FBXO15: variants seen among roughly 807,000 people sequenced by gnomAD.
FBXO15 encodes F-box only protein 15.
Under a neutral mutation model 49.5 loss-of-function variants are expected in FBXO15, and 30 were observed. That is an observed-to-expected ratio of 0.61 (90% CI 0.45 to 0.82). The LOEUF (loss-of-function observed/expected upper bound fraction) is 0.82, where lower values mean the gene tolerates loss of function less well. FBXO15 is among the 40% of genes least tolerant of loss of function. FBXO15 has a pLI of 0.00. For missense variants in FBXO15, 591 were observed against 631.5 expected (o/e 0.94, Z 0.69); for synonymous variants, 250 against 232.7 (o/e 1.07, Z -0.68).
chr18:74,087,007 C>G (rs1912770337), intron 8 of FBXO15, among the ~76,000 whole-genome samples: 1 of 152,128 alleles, frequency 6.6e-6, no homozygotes, highest in Non-Finnish European at 1.5e-5. Flanking sequence ...TTCTGGTTTC[C>G]CAATGCATAT....
intron 8 of FBXO15, among the ~76,000 whole-genome samples, chr18:74,117,706 A>G (rs1054933267): frequency 6.6e-6 from 1 of 152,210 alleles, no homozygotes; most frequent in Non-Finnish European, 1.5e-5. Context: ...GTGAAAAGGA[A>G]GTGAAATAAC....
At chr18:74,093,284 C>T (rs1298259893) in intron 8 of FBXO15, among the ~76,000 whole-genome samples, 1 of 149,030 alleles carries the variant, frequency 6.7e-6, no homozygotes, top group Non-Finnish European at 1.5e-5. Context: ...TGGCTGCAGA[C>T]AAGTACATGC....
intron 8 of FBXO15, among the ~76,000 whole-genome samples, chr18:74,119,114 G>A (rs1242986598): frequency 3.9e-5 from 6 of 152,118 alleles, no homozygotes; most frequent in East Asian, 3.9e-4. Flanking sequence ...CCTCGCTGTC[G>A]CCTTGCTTTG....
intron 3 of FBXO15, among the ~76,000 whole-genome samples, chr18:74,132,460 T>A: frequency 6.6e-6 from 1 of 152,170 alleles, no homozygotes; most frequent in East Asian, 1.9e-4. Context: ...CAGCATAAAC[T>A]CCACATGCAG....
At chr18:74,094,780 G>A (rs1324336350) in intron 8 of FBXO15, among the ~76,000 whole-genome samples, 8 of 152,188 alleles carry the variant, frequency 5.3e-5, no homozygotes, top group Non-Finnish European at 8.8e-5. Flanking sequence ...GAACAAGAAA[G>A]TCAACCTGTC....
chr18:74,124,808 C>A (rs1914636293), intron 6 of FBXO15, among the ~76,000 whole-genome samples: 1 of 152,126 alleles, frequency 6.6e-6, no homozygotes, highest in African/African-American at 2.4e-5. Context: ...GCACACAGGA[C>A]CAAAAGAACT....
At chr18:74,100,323 T>C (rs919672591) in intron 8 of FBXO15, among the ~76,000 whole-genome samples, 2 of 152,044 alleles carry the variant, frequency 1.3e-5, no homozygotes, top group Non-Finnish European at 2.9e-5. Flanking sequence ...GAGCACTGGG[T>C]CAACAATAAG....
intron 8 of FBXO15, chr18:74,097,784 C>G (rs966626402): frequency 6.6e-6 from 1 of 152,352 alleles, no homozygotes; most frequent in African/African-American, 2.4e-5. Context: ...AAAGCACAAC[C>G]TCCTGGCAGG....
intron 3 of FBXO15, 72 bp from the exon 4 acceptor site, chr18:74,130,730 G>A: frequency 1.4e-6 from 2 of 1,452,322 alleles, no homozygotes; most frequent in Non-Finnish European, 1.9e-6. Context: ...TATCAAATTA[G>A]AGATGCATAT....
chr18:74,132,783 T>C (rs1317037596), intron 3 of FBXO15, among the ~76,000 whole-genome samples: 1 of 152,190 alleles, frequency 6.6e-6, no homozygotes, highest in Non-Finnish European at 1.5e-5. Flanking sequence ...ATGGGGCCAA[T>C]TTAATGTTCA....
intron 8 of FBXO15, among the ~76,000 whole-genome samples, chr18:74,114,202 C>CG (rs893331675): frequency 3.9e-5 from 6 of 152,150 alleles, no homozygotes; most frequent in Non-Finnish European, 8.8e-5. Flanking sequence ...AGTAAAAACC[C>CG]GGGGTGCTGA....
At chr18:74,122,195 A>G (rs145645021) in intron 8 of FBXO15, among the ~76,000 whole-genome samples, 10 of 152,330 alleles carry the variant, frequency 6.6e-5, no homozygotes, top group Middle Eastern at 3.4e-3. Context: ...CTTTTCTAAT[A>G]AAATTACTGC....
chr18:74,109,486 C>A (rs1280930566), intron 8 of FBXO15, among the ~76,000 whole-genome samples: 1 of 152,176 alleles, frequency 6.6e-6, no homozygotes, highest in Non-Finnish European at 1.5e-5. Context: ...TGGGTATATA[C>A]CCAAAGGATT....
intron 8 of FBXO15, among the ~76,000 whole-genome samples, chr18:74,093,332 A>G (rs1468377712): frequency 6.6e-6 from 1 of 151,892 alleles, no homozygotes; most frequent in African/African-American, 2.4e-5. Context: ...ATGAGGAATG[A>G]ATGCATGTGG....
intron 9 of FBXO15, among the ~76,000 whole-genome samples, chr18:74,079,016 C>T (rs948483971): frequency 6.6e-6 from 1 of 152,250 alleles, no homozygotes; most frequent in Non-Finnish European, 1.5e-5. Flanking sequence ...GTACCCACAG[C>T]AGGCTCTACT....
At chr18:74,141,209 ACCAGTAGTACTCAGCAGCAC>A (rs1979053696) in intron 1 of FBXO15, among the ~76,000 whole-genome samples, 1 of 152,210 alleles carries the variant, frequency 6.6e-6, no homozygotes, top group African/African-American at 2.4e-5. Context: ...AGTCCTCAAA[ACCAGTAGTACTCAGCAGCAC>A]CTTGAGGGAA....
intron 8 of FBXO15, among the ~76,000 whole-genome samples, chr18:74,090,947 CTTTG>C (rs1912998781): frequency 6.6e-6 from 1 of 152,056 alleles, no homozygotes; most frequent in African/African-American, 2.4e-5. Flanking sequence ...TCCTGAATAT[CTTTG>C]TTAGTTTTCT....
At chr18:74,119,722 T>C (rs1418225951) in intron 8 of FBXO15, among the ~76,000 whole-genome samples, 3 of 151,894 alleles carry the variant, frequency 2.0e-5, no homozygotes, top group Non-Finnish European at 4.4e-5. Flanking sequence ...AGGAACTCAC[T>C]AAAGCTGCAG....
chr18:74,129,878 C>A (rs1978317771), intron 4 of FBXO15, among the ~76,000 whole-genome samples: 1 of 152,142 alleles, frequency 6.6e-6, no homozygotes, highest in East Asian at 1.9e-4. Flanking sequence ...GAAAAGAGAC[C>A]TTGAACATTC....
Sources: gnomAD v4.1 joint callset for allele counts (sites outside exome capture counted in the v4.1 genomes callset) on GRCh38, gnomAD v4.1.1 for gene constraint, MANE v1.5 for transcripts, NCBI Gene and HGNC (gene_info 2026-07-23, HGNC 2026-07-21) for gene names.